PKD1L1: variants seen among roughly 807,000 people sequenced by gnomAD.
The protein encoded by PKD1L1 is polycystin-1-like protein 1.
PKD1L1 carries 236 observed loss-of-function variants against 323.4 expected under a neutral mutation model. The observed-to-expected ratio is 0.73, with a 90% CI of 0.66 to 0.81. The LOEUF is 0.81. Ranked by LOEUF, PKD1L1 falls within the 40% of genes least tolerant of loss-of-function variation. PKD1L1 has a pLI of 0.00. For synonymous variants in PKD1L1, 1,344 were observed against 1,335.0 expected (o/e 1.01, Z -0.15); for missense variants, 3,320 against 3,508.0 (o/e 0.95, Z 1.35).
intron 42 of PKD1L1, 145 bp from the exon 43 acceptor site, chr7:47,830,269 C>A: frequency 4.6e-6 from 3 of 654,202 alleles, no homozygotes; most frequent in Admixed American, 2.9e-5. Flanking sequence ...TGGTGCTGGA[C>A]ATGGGCAGTG....
chr7:47,844,556 C>A (rs576782937), intron 33 of PKD1L1, among the ~76,000 whole-genome samples: 15 of 152,222 alleles, frequency 9.9e-5, no homozygotes, highest in Admixed American at 7.2e-4. Context: ...AAATAGTGTA[C>A]ATTTTAAATC....
chr7:47,851,178 T>C (rs2128740629), intron 31 of PKD1L1, among the ~76,000 whole-genome samples: 1 of 152,258 alleles, frequency 6.6e-6, no homozygotes, highest in African/African-American at 2.4e-5. Context: ...CTAATGTCAT[T>C]TCCCATCAAT....
intron 7 of PKD1L1, among the ~76,000 whole-genome samples, chr7:47,921,690 T>TAA (rs1554413064): frequency 4.3e-5 from 5 of 116,578 alleles, no homozygotes; most frequent in Admixed American, 7.5e-5. Flanking sequence ...TATATATATA[T>TAA]AATGAGATAC....
In PKD1L1 at chr7:47,908,271, G is replaced by A. The variant is rs553227846; in HGVS notation, c.1229-21C>T. On this transcript the variant is annotated intron_variant, in intron 8 of 56. Coordinates refer to ENST00000289672, the MANE Select transcript of PKD1L1 (RefSeq NM_138295.5). ...TCCTTCTGGAAAAATAAGAATGAACGGACACTTGATGAATTTTTAATAACA... is the reference window on the plus strand; with the variant it reads ...TCCTTCTGGAAAAATAAGAATGAACAGACACTTGATGAATTTTTAATAACA... The A allele has an allele frequency of 4.7e-5, 75 of 1,598,014 alleles. No homozygotes were observed. In the African/African-American group the frequency reaches 7.1e-4, roughly 15 times the overall value.
chr7:47,870,890 T>C (rs1786266764), intron 24 of PKD1L1, among the ~76,000 whole-genome samples: 1 of 150,258 alleles, frequency 6.7e-6, no homozygotes, highest in Admixed American at 6.7e-5. Context: ...GAAGGATGGC[T>C]TGAGCCTAGG....
intron 12 of PKD1L1, among the ~76,000 whole-genome samples, chr7:47,903,482 CT>C: frequency 6.6e-6 from 1 of 152,326 alleles, no homozygotes; most frequent in Middle Eastern, 3.4e-3. Flanking sequence ...CAAGCCACTA[CT>C]GCTCAATTCT....
intron 46 of PKD1L1, among the ~76,000 whole-genome samples, chr7:47,815,911 C>G (rs548826736): frequency 2.0e-5 from 3 of 151,374 alleles, no homozygotes; most frequent in Admixed American, 6.6e-5. Context: ...GTTCAAGCAG[C>G]CATGGAAGCT....
chr7:47,871,202 T>C (rs766087795), intron 24 of PKD1L1, among the ~76,000 whole-genome samples: 12 of 152,132 alleles, frequency 7.9e-5, no homozygotes, highest in Non-Finnish European at 1.0e-4. Flanking sequence ...TCCCAGACTG[T>C]AAGAGTGATT....
At chr7:47,845,347 C>T (rs1050645489) in intron 32 of PKD1L1, among the ~76,000 whole-genome samples, 3 of 152,182 alleles carry the variant, frequency 2.0e-5, no homozygotes, top group Non-Finnish European at 2.9e-5. Flanking sequence ...CAGCATATGG[C>T]GGTCTTCATG....
intron 16 of PKD1L1, among the ~76,000 whole-genome samples, chr7:47,888,421 C>T (rs1261298982): frequency 7.9e-5 from 12 of 152,196 alleles, no homozygotes; most frequent in East Asian, 3.9e-4. Context: ...GTAGCTTTTC[C>T]GAGTCACACA....
At chr7:47,921,563 G>A (rs974860176) in intron 7 of PKD1L1, among the ~76,000 whole-genome samples, 2 of 152,048 alleles carry the variant, frequency 1.3e-5, no homozygotes, top group African/African-American at 4.8e-5. Flanking sequence ...GTCATTATAC[G>A]AAAAAGATAC....
intron 31 of PKD1L1, among the ~76,000 whole-genome samples, chr7:47,848,883 T>C (rs1785721045): frequency 6.6e-6 from 1 of 152,124 alleles, no homozygotes; most frequent in Admixed American, 6.6e-5. Context: ...TGGAATCACA[T>C]AGCCAAAGCA....
intron 40 of PKD1L1, among the ~76,000 whole-genome samples, chr7:47,833,773 G>A (rs969666153): frequency 1.4e-4 from 21 of 152,150 alleles, no homozygotes; most frequent in African/African-American, 4.8e-4. Flanking sequence ...AGAATCCCAC[G>A]TAAGCAAAGG....
At position 47,876,129 on chromosome 7, in the gene PKD1L1, A is replaced by T; in HGVS notation, c.3752T>A (p.Leu1251Ter). The change falls in exon 23 of 57, where the codon TTG (leucine) becomes TAG (stop). Residue 1251 changes from leucine (L) to a stop codon, truncating the protein, a stop_gained. Coordinates refer to ENST00000289672, the MANE Select transcript of PKD1L1 (RefSeq NM_138295.5). LOFTEE classifies it high-confidence loss of function. ...HGRDTQYYFV[L>*]PAGEHLDNYK... ...ATTGTCCAAGTGCTCACCAGCTGGC[A>T]ACACAAAATAATACTGGGTGTCTCT... The T allele has an allele frequency of 1.9e-6, 3 of 1,614,128 alleles. No individual in the cohort carries two copies. The highest frequency in any genetic ancestry group is 2.5e-6 in the Non-Finnish European group (3 of 1,179,992).
rs748347187 is a variant in PKD1L1 at position 47,902,526 on chromosome 7, A to G, written c.1932-15T>C. ...ATTCTCCTTCCCTGGGACGGTGGAA[A>G]GCACAGAAATGAACAAATTTATGTT... On this transcript the variant is annotated splice_polypyrimidine_tract_variant and intron_variant, in intron 12 of 56. Coordinates refer to ENST00000289672, the MANE Select transcript of PKD1L1 (RefSeq NM_138295.5). 7.4e-6 allele frequency: 12 copies of G among 1,612,488 alleles called. No individual in the cohort carries two copies. The highest frequency in any genetic ancestry group is 1.3e-5 in the African/African-American group (1 of 74,830).
At chr7:47,778,690 T>C (rs1786624577) in intron 56 of PKD1L1, among the ~76,000 whole-genome samples, 1 of 152,230 alleles carries the variant, frequency 6.6e-6, no homozygotes, top group African/African-American at 2.4e-5. Flanking sequence ...AGGAGACTTA[T>C]GATTTTAAAA....
In PKD1L1 at chr7:47,792,671, C is replaced by T. The variant is rs1299439113; in HGVS notation, c.8482G>A (p.Glu2828Lys). The change falls in exon 56 of 57, where the codon GAA (glutamate) becomes AAA (lysine). Residue 2828 changes from glutamate to lysine, a missense_variant. Physicochemically the swap from Glu to Lys is moderately conservative, Grantham distance 56. Coordinates refer to ENST00000289672, the MANE Select transcript of PKD1L1 (RefSeq NM_138295.5). ...GAAATGTCCACTAAGGGACTCTCTT[C>T]TGTCCTTGCCTCCCCTGTGTTGTTG... ...TSNNTGEART[E>K]ESPLVDISSY... 5.6e-6 allele frequency: 9 copies of T among 1,614,156 alleles called. No individual in the cohort carries two copies. The highest frequency in any genetic ancestry group is 7.6e-6 in the Non-Finnish European group (9 of 1,179,998).
upstream of PKD1L1, among the ~76,000 whole-genome samples, chr7:47,950,969 T>C (rs149273598): frequency 6.6e-6 from 1 of 152,206 alleles, no homozygotes; most frequent in East Asian, 1.9e-4. Flanking sequence ...TGCCGAGCAC[T>C]GCACTGGTAC....
intron 33 of PKD1L1, among the ~76,000 whole-genome samples, chr7:47,844,464 G>A (rs1474381154): frequency 6.6e-6 from 1 of 152,150 alleles, no homozygotes; most frequent in Non-Finnish European, 1.5e-5. Flanking sequence ...GACAGGGAAG[G>A]TTCCTGTCCA....
Sources: allele counts gnomAD v4.1 joint callset (sites outside exome capture counted in the v4.1 genomes callset), GRCh38; gene constraint gnomAD v4.1.1; transcripts MANE v1.5; gene names NCBI Gene and HGNC (gene_info 2026-07-23, HGNC 2026-07-21).